Variants in ZBTB32 observed in about 807,000 individuals in gnomAD.
The protein encoded by ZBTB32 is zinc finger and BTB domain-containing protein 32.
Under a neutral mutation model 45.3 loss-of-function variants are expected in ZBTB32, and 28 were observed. That is an observed-to-expected ratio of 0.62 (90% CI 0.46 to 0.85). The LOEUF (loss-of-function observed/expected upper bound fraction) is 0.85, where lower values mean the gene tolerates loss of function less well. Among genes scored for constraint, ZBTB32 ranks in the 40% least tolerant of loss-of-function variants. The pLI is 0.00. For missense variants in ZBTB32, 587 were observed against 624.4 expected, an observed-to-expected ratio of 0.94 and a Z score of 0.64; for synonymous variants, 283 against 255.7, an observed-to-expected ratio of 1.11 and a Z score of -1.02.
rs931684003 is a variant in ZBTB32 at position 35,714,718 on chromosome 19, C to T, written c.92C>T (p.Thr31Ile). The change falls in exon 3 of 7, where the codon ACT becomes ATT. Residue 31 changes from threonine to isoleucine, a missense_variant. Coordinates refer to ENST00000392197, the MANE Select transcript of ZBTB32 (RefSeq NM_014383.3). The part of the protein sequence containing the change: ...AARLRPALCD[T>I]LITVGSQEFP... ...AGGCTCCGGCCAGCACTCTGTGATA[C>T]TCTGATCACCGTAGGGAGCCAGGAG... 3 of 1,614,010 alleles carry T rather than the reference C, an allele frequency of 1.9e-6. No homozygotes were observed. Among genetic ancestry groups the T allele is most frequent in the East Asian group, 2.2e-5 (1 of 44,888 alleles).
intron 1 of ZBTB32, among the ~76,000 whole-genome samples, chr19:35,705,098 GA>G (rs140772888): frequency 0.027 from 4,143 of 152,202 alleles, 181 homozygotes; most frequent in African/African-American, 0.09. Flanking sequence ...TTGAGGTCAG[GA>G]GTTTGAGACC....
intron 1 of ZBTB32, among the ~76,000 whole-genome samples, chr19:35,705,227 T>C (rs1236215707): frequency 6.6e-6 from 1 of 151,962 alleles, no homozygotes; most frequent in Non-Finnish European, 1.5e-5. Flanking sequence ...GAGAATCGCT[T>C]GAACTCATTG....
chr19:35,709,386 T>A (rs968248344), intron 1 of ZBTB32, among the ~76,000 whole-genome samples: 1 of 152,186 alleles, frequency 6.6e-6, no homozygotes, highest in African/African-American at 2.4e-5. Context: ...GATGGTTTGA[T>A]TTTAATTATA....
intron 2 of ZBTB32, among the ~76,000 whole-genome samples, chr19:35,713,858 A>C (rs1968773351): frequency 6.6e-6 from 1 of 152,164 alleles, no homozygotes; most frequent in South Asian, 2.1e-4. Flanking sequence ...TCAGGAGTCC[A>C]TTCTCCAAAA....
At position 35,716,015 on chromosome 19, in the gene ZBTB32, G is replaced by A. The variant is rs1378281613; in HGVS notation, c.1024+8G>A. The A allele has an allele frequency of 4.2e-5, 68 of 1,611,386 alleles. No homozygotes were observed. The highest frequency in any genetic ancestry group is 5.6e-5 in the Non-Finnish European group (66 of 1,179,906). Reference sequence around the variant, plus strand: ...CTGATCAGGGGCACACAGGTGAGTCGGGCGGGGGCACTCGTGCCTCAGCCC... The same window carrying A: ...CTGATCAGGGGCACACAGGTGAGTCAGGCGGGGGCACTCGTGCCTCAGCCC... On this transcript the variant is annotated splice_region_variant and intron_variant, in intron 5 of 6. Transcript: ENST00000392197.
intron 1 of ZBTB32, among the ~76,000 whole-genome samples, chr19:35,706,741 C>T (rs1350850668): frequency 6.6e-6 from 1 of 151,826 alleles, no homozygotes; most frequent in Non-Finnish European, 1.5e-5. Flanking sequence ...AAGTAAATAA[C>T]ATAAAGGAAA....
chr19:35,711,653 G>A (rs933783556), intron 1 of ZBTB32, among the ~76,000 whole-genome samples: 1 of 152,162 alleles, frequency 6.6e-6, no homozygotes, highest in Middle Eastern at 3.4e-3. Context: ...CTGAACATTC[G>A]AGGGTCCTGG....
chr19:35,710,412 C>A (rs527945094), intron 1 of ZBTB32, among the ~76,000 whole-genome samples: 1 of 151,870 alleles, frequency 6.6e-6, no homozygotes, highest in African/African-American at 2.4e-5. Context: ...TGATTCCTAC[C>A]GAGTCAGCCC....
chr19:35,710,956 A>G (rs1357876155), intron 1 of ZBTB32, among the ~76,000 whole-genome samples: 1 of 152,162 alleles, frequency 6.6e-6, no homozygotes, highest in African/African-American at 2.4e-5. Flanking sequence ...GGCGGTCTCT[A>G]AGGGGATATC....
At chr19:35,706,328 A>T (rs1218268528) in intron 1 of ZBTB32, among the ~76,000 whole-genome samples, 1 of 151,998 alleles carries the variant, frequency 6.6e-6, no homozygotes, top group Non-Finnish European at 1.5e-5. Context: ...TAGAAGATGA[A>T]GATATCAGGC....
chr19:35,708,392 C>T (rs1968601703), intron 1 of ZBTB32, among the ~76,000 whole-genome samples: 1 of 152,116 alleles, frequency 6.6e-6, no homozygotes, highest in African/African-American at 2.4e-5. Context: ...TTTCTAGATG[C>T]CTTTTGACTC....
At chr19:35,706,526 A>G (rs1200828285) in intron 1 of ZBTB32, among the ~76,000 whole-genome samples, 1 of 152,156 alleles carries the variant, frequency 6.6e-6, no homozygotes, top group East Asian at 1.9e-4. Context: ...GTTCAAGACC[A>G]GCCTGGCCAA....
Position 35,715,305 on chromosome 19 carries a change from C to A in ZBTB32, c.679C>A (p.Arg227Ser), listed in dbSNP as rs2234366. The change falls in exon 3 of 7, where the codon CGC becomes AGC. Residue 227 changes from arginine to serine, a missense_variant. Coordinates refer to ENST00000392197, the MANE Select transcript of ZBTB32 (RefSeq NM_014383.3). ...ENPGGSEESLRKLPGPLPPAG... is the reference protein window; with the variant it reads ...ENPGGSEESLSKLPGPLPPAG... ...TCCAGGGGGCTCTGAGGAAAGTCTG[C>A]GCAAGCTCCCTGGCCCCCTTCCCCC... 11 of 1,584,634 alleles carry A rather than the reference C, an allele frequency of 6.9e-6. No homozygotes were observed. The highest frequency in any genetic ancestry group is 1.4e-5 in the African/African-American group (1 of 73,538).
intron 1 of ZBTB32, among the ~76,000 whole-genome samples, chr19:35,710,055 C>T (rs1342497280): frequency 6.6e-6 from 1 of 151,736 alleles, no homozygotes; most frequent in South Asian, 2.1e-4. Flanking sequence ...AATAAAAATA[C>T]AAAAAATTAG....
intron 1 of ZBTB32, among the ~76,000 whole-genome samples, chr19:35,710,644 C>T (rs994553895): frequency 2.0e-5 from 3 of 152,142 alleles, no homozygotes; most frequent in African/African-American, 7.2e-5. Context: ...ACCCCAGATA[C>T]TTGGAAGGCT....
In ZBTB32 at chr19:35,712,024, C is replaced by CAAAAA. The variant is rs773746029; in HGVS notation, c.-221-869_-221-865dup. On this transcript the variant is annotated intron_variant, in intron 1 of 6. Coordinates refer to ENST00000392197, the MANE Select transcript of ZBTB32 (RefSeq NM_014383.3). ...TGGGAGACAGAGCGAGACTGCGTCT[C>CAAAAA]AAAAAAAAAAAAAAAAAAAAAAAAA... Among the ~76,000 whole-genome samples, 37 of 54,824 alleles carry CAAAAA rather than the reference C, an allele frequency of 6.7e-4. 1 individual carries two copies. The highest frequency in any genetic ancestry group is 2.0e-3 in the African/African-American group (24 of 12,166). The allele number at this position is 54,824 out of a possible 152,430, so 36.0% of individuals were successfully genotyped here.
Position 35,716,959 on chromosome 19 carries a change from T to C in ZBTB32, c.*207T>C. 1.7e-6 allele frequency: 1 copy of C among 604,494 alleles called. No homozygotes were observed. The highest frequency in any genetic ancestry group is 2.8e-5 in the East Asian group (1 of 36,024). 37.4% of individuals were successfully genotyped at this position (604,494 alleles called of 1,614,324 possible). A position where few individuals can be genotyped will look rare whatever the true frequency, so the allele number is the denominator to read the frequency against. On this transcript the variant is annotated 3_prime_UTR_variant, in exon 7 of 7. Transcript: ENST00000392197. ...GCCCTACAGAGTGAGGACACTGAAG[T>C]GTGCAGGAGCGAAGGTTAACAGTAG... is the stretch of plus-strand genomic sequence containing the variant.
chr19:35,713,521 C>T (rs1002592825), intron 2 of ZBTB32: 2 of 152,450 alleles, frequency 1.3e-5, no homozygotes, highest in African/African-American at 4.8e-5. Flanking sequence ...TCCTCCCTGC[C>T]AACCTAGAGC....
At position 35,716,211 on chromosome 19, in the gene ZBTB32, C is replaced by T. The variant is rs1384503458; in HGVS notation, c.1103C>T (p.Ala368Val). Reference sequence around the variant, plus strand: ...CCGCACCCTCCCCCGGCCCCTCCTGCTCGGTCTCGGCCCTATGCGTGCTCT... The same window carrying T: ...CCGCACCCTCCCCCGGCCCCTCCTGTTCGGTCTCGGCCCTATGCGTGCTCT... Reference protein sequence around the residue: ...PRPHPPPAPPARSRPYACSVC... With the variant: ...PRPHPPPAPPVRSRPYACSVC... Residue 368 changes from alanine (A) to valine (V), a missense_variant, in exon 6 of 7, where the codon GCT becomes GTT. Ala to Val is a moderately conservative substitution (Grantham distance 64). Coordinates refer to ENST00000392197, the MANE Select transcript of ZBTB32 (RefSeq NM_014383.3). 3 of 1,613,926 alleles carry T rather than the reference C, an allele frequency of 1.9e-6. No homozygotes were observed. The highest frequency in any genetic ancestry group is 1.7e-6 in the Non-Finnish European group (2 of 1,179,942).
Sources: allele counts gnomAD v4.1 joint callset (sites outside exome capture counted in the v4.1 genomes callset), GRCh38; gene constraint gnomAD v4.1.1; transcripts MANE v1.5; gene names NCBI Gene and HGNC (gene_info 2026-07-23, HGNC 2026-07-21).